TRIQK: variants seen among roughly 807,000 people sequenced by gnomAD.
TRIQK encodes triple QxxK/R motif containing.
TRIQK carries 10 observed loss-of-function variants against 10.8 expected under a neutral mutation model. That is an observed-to-expected ratio of 0.92 (90% CI 0.57 to 1.57). The LOEUF (loss-of-function observed/expected upper bound fraction) is 1.57, where lower values mean the gene tolerates loss of function less well. Ranked by LOEUF, TRIQK falls within the 40% of genes most tolerant of loss-of-function variation. The pLI, the probability that TRIQK is intolerant of heterozygous loss-of-function variation, is 0.00. For missense variants in TRIQK, 107 were observed against 97.7 expected (o/e 1.09, Z -0.40); for synonymous variants, 33 against 33.7 (o/e 0.98, Z 0.07).
rs367895847 is a variant in TRIQK at position 92,975,311 on chromosome 8, A to G, written c.-180-20747T>C. 6.6e-5 allele frequency among the ~76,000 whole-genome samples: 10 copies of G among 152,356 alleles called. No individual in the cohort carries two copies. The South Asian group carries it at 8.3e-4, about 13-fold the overall frequency. On this transcript the variant is annotated intron_variant, in intron 1 of 4. Coordinates refer to the TRIQK transcript ENST00000520686. ...ATTTTTGTGTAGAAATCTCCGAGGA[A>G]GCCACCAAAGCCTAGACTTTTTGTG...
chr8:92,886,715 T>C lies in TRIQK; in HGVS notation c.168A>G (p.Ala56=). The change falls in exon 5 of 5, where the codon GCA becomes GCG. Residue 56 remains alanine, a synonymous_variant. Coordinates refer to ENST00000521988, the MANE Select transcript of TRIQK (RefSeq NM_001171797.2). ...IGIKEVGLVL[A]AILALLLAFY... ...AAGCCAGTAGTAGTGCCAATATAGC[T>C]GCAAGTACAAGGCCAACTTCCTGGG... is the stretch of plus-strand genomic sequence containing the variant. The C allele has an allele frequency of 6.5e-7, 1 of 1,531,778 alleles. No individual in the cohort carries two copies. Among genetic ancestry groups the C allele is most frequent in the Non-Finnish European group, 8.7e-7 (1 of 1,143,122 alleles). 94.9% of individuals were successfully genotyped at this position (1,531,778 alleles called of 1,614,324 possible). A position where few individuals can be genotyped will look rare whatever the true frequency, so the allele number is the denominator to read the frequency against.
intron 1 of TRIQK, among the ~76,000 whole-genome samples, chr8:92,975,013 C>A (rs1437510349): frequency 1.3e-5 from 2 of 152,212 alleles, no homozygotes; most frequent in Non-Finnish European, 2.9e-5. Context: ...GAATCTACCT[C>A]TACTGTCCTA....
At chr8:92,961,015 T>C (rs1386158522) in intron 1 of TRIQK, among the ~76,000 whole-genome samples, 2 of 152,200 alleles carry the variant, frequency 1.3e-5, no homozygotes, top group African/African-American at 4.8e-5. Context: ...CTCCTATCCA[T>C]AGAAGCCATG....
intron 4 of TRIQK, among the ~76,000 whole-genome samples, chr8:92,888,461 G>C (rs771823586): frequency 2.0e-5 from 3 of 151,578 alleles, no homozygotes; most frequent in Non-Finnish European, 4.4e-5. Context: ...TGTACAGTGT[G>C]GGTGTGGCTT....
intron 2 of TRIQK, chr8:92,928,021 A>C (rs944265545): frequency 1.3e-5 from 2 of 152,188 alleles, no homozygotes. Flanking sequence ...AGTTCCAATT[A>C]ATGTCAAGAG....
At chr8:92,907,776 C>T (rs1434594578) in intron 3 of TRIQK, among the ~76,000 whole-genome samples, 4 of 151,948 alleles carry the variant, frequency 2.6e-5, no homozygotes, top group Non-Finnish European at 5.9e-5. Flanking sequence ...ATGAATAAAA[C>T]AGGTTTAACT....
At chr8:92,960,870 C>T (rs1052411133) in intron 1 of TRIQK, among the ~76,000 whole-genome samples, 3 of 152,148 alleles carry the variant, frequency 2.0e-5, no homozygotes, top group African/African-American at 7.2e-5. Context: ...TTTTAAGTCA[C>T]TAAATGTGGG....
chr8:92,888,396 G>A (rs1816593451), intron 4 of TRIQK, among the ~76,000 whole-genome samples: 1 of 151,608 alleles, frequency 6.6e-6, no homozygotes, highest in Admixed American at 6.6e-5. Context: ...AGGAAGCAGA[G>A]AATATTCATA....
At chr8:92,929,306 T>C (rs966908730) in intron 2 of TRIQK, among the ~76,000 whole-genome samples, 7 of 152,180 alleles carry the variant, frequency 4.6e-5, no homozygotes, top group Non-Finnish European at 2.9e-5. Flanking sequence ...GAAGTAGGTA[T>C]GGGGTGGCTG....
At chr8:92,974,937 T>C (rs1241510130) in intron 1 of TRIQK, among the ~76,000 whole-genome samples, 1 of 152,194 alleles carries the variant, frequency 6.6e-6, no homozygotes, top group South Asian at 2.1e-4. Context: ...AACTAGCTAT[T>C]TTTTTCCACA....
chr8:92,983,813 C>T (rs1229813239), intron 1 of TRIQK, among the ~76,000 whole-genome samples: 3 of 151,964 alleles, frequency 2.0e-5, no homozygotes, highest in African/African-American at 4.8e-5. Flanking sequence ...AATTTCCTCA[C>T]TTAAGTTTTT....
intron 1 of TRIQK, among the ~76,000 whole-genome samples, chr8:92,988,966 CTA>C (rs1306241194): frequency 2.0e-5 from 3 of 151,968 alleles, no homozygotes; most frequent in Non-Finnish European, 4.4e-5. Context: ...TATGCAAAAA[CTA>C]TTCTAAATTT....
At chr8:92,992,652 G>A (rs748753550) in intron 1 of TRIQK, among the ~76,000 whole-genome samples, 5 of 152,226 alleles carry the variant, frequency 3.3e-5, no homozygotes, top group Admixed American at 6.5e-5. Flanking sequence ...GGGCCAGCCT[G>A]AGGCTGAGGC....
At chr8:92,917,044 TA>T in intron 2 of TRIQK, 34 bp from the exon 3 acceptor site, 1 of 1,332,268 alleles carries the variant, frequency 7.5e-7, no homozygotes, top group Non-Finnish European at 9.9e-7. Flanking sequence ...AAAATTTTTT[TA>T]AAAAGGAGTG....
chr8:92,959,632 C>T (rs1221298180), intron 1 of TRIQK, among the ~76,000 whole-genome samples: 1 of 151,988 alleles, frequency 6.6e-6, no homozygotes, highest in Non-Finnish European at 1.5e-5. Flanking sequence ...TACACATGCT[C>T]CTCAACTTAC....
chr8:92,900,591 T>C (rs1273889023), intron 3 of TRIQK, among the ~76,000 whole-genome samples: 1 of 152,134 alleles, frequency 6.6e-6, no homozygotes, highest in Non-Finnish European at 1.5e-5. Context: ...TCTATTCCAT[T>C]GGTGTATGTG....
At chr8:92,949,520 AAAAG>A (rs761719586) in intron 2 of TRIQK, among the ~76,000 whole-genome samples, 15 of 145,802 alleles carry the variant, frequency 1.0e-4, no homozygotes, top group East Asian at 4.1e-4. Context: ...TCAAGGAAGA[AAAAG>A]AAAGAAAGAA....
chr8:92,949,174 C>A (rs1170310330), intron 2 of TRIQK, among the ~76,000 whole-genome samples: 1 of 152,178 alleles, frequency 6.6e-6, no homozygotes, highest in Non-Finnish European at 1.5e-5. Flanking sequence ...GAGAATTATT[C>A]TTTGCTCAAT....
chr8:92,932,308 A>T (rs1175908057), intron 2 of TRIQK, among the ~76,000 whole-genome samples: 1 of 152,136 alleles, frequency 6.6e-6, no homozygotes, highest in Non-Finnish European at 1.5e-5. Context: ...ATCTAGCATC[A>T]TTCTAACAAA....
Sources: gnomAD v4.1 joint callset for allele counts (sites outside exome capture counted in the v4.1 genomes callset) on GRCh38, gnomAD v4.1.1 for gene constraint, MANE v1.5 for transcripts, NCBI Gene and HGNC (gene_info 2026-07-23, HGNC 2026-07-21) for gene names.